The following ARMC9 variants were observed in gnomAD, a reference collection of about 807,000 sequenced individuals.
The protein encoded by ARMC9 is lisH domain-containing protein ARMC9.
A neutral mutation model predicts 107.0 loss-of-function variants in ARMC9; 94 were observed. The ratio of observed to expected loss-of-function variants is 0.88; its 90% CI spans 0.74 to 1.04. The LOEUF is 1.04. ARMC9 is among the 50% of genes least tolerant of loss of function. ARMC9 has a pLI of 0.00. For missense variants in ARMC9, 942 were observed against 1,030.1 expected, an observed-to-expected ratio of 0.91 and a Z score of 1.17; for synonymous variants, 380 against 396.9, an observed-to-expected ratio of 0.96 and a Z score of 0.51.
At chr2:231,251,461 G>T (rs879548276) in intron 9 of ARMC9, among the ~76,000 whole-genome samples, 1 of 152,062 alleles carries the variant, frequency 6.6e-6, no homozygotes, top group Non-Finnish European at 1.5e-5. Context: ...CACTGCACCC[G>T]GCCTGGCCAC....
chr2:231,255,314 G>A lies in ARMC9; in HGVS notation c.880-1272G>A, dbSNP rs145600114. ...AAGAGAGTGGGGTGGAAGAGGGGTT[G>A]TTAATGTTTTTTAAACACGTGTAGA... is the stretch of plus-strand genomic sequence containing the variant. On this transcript the variant is annotated intron_variant, in intron 9 of 24. Coordinates refer to ENST00000611582, the MANE Select transcript of ARMC9 (RefSeq NM_001352754.2). The surrounding 1 kb of genome is among the most constrained non-coding windows in gnomAD (Gnocchi z 4.7). Among the ~76,000 whole-genome samples, 830 of 152,170 alleles carry A rather than the reference G, an allele frequency of 5.5e-3. 10 individuals are homozygous for A. Among genetic ancestry groups the A allele is most frequent in the African/African-American group, 0.018 (748 of 41,526 alleles).
intron 19 of ARMC9, among the ~76,000 whole-genome samples, chr2:231,320,961 T>G (rs6437011): frequency 0.027 from 4,136 of 152,320 alleles, 190 homozygotes; most frequent in African/African-American, 0.095. Context: ...TGGCAGAATC[T>G]GAACACCAAG....
At chr2:231,349,920 G>A (rs1161706634) in intron 21 of ARMC9, among the ~76,000 whole-genome samples, 1 of 151,950 alleles carries the variant, frequency 6.6e-6, no homozygotes, top group African/African-American at 2.4e-5. Flanking sequence ...TACTTGAGGG[G>A]ATGAGTACTC....
At chr2:231,233,692 C>T (rs2035455663) in intron 7 of ARMC9, among the ~76,000 whole-genome samples, 1 of 152,036 alleles carries the variant, frequency 6.6e-6, no homozygotes, top group Non-Finnish European at 1.5e-5. Flanking sequence ...AGGGGAATCG[C>T]TTGAACCCGG....
intron 19 of ARMC9, among the ~76,000 whole-genome samples, chr2:231,314,053 C>CCAGGG (rs2042517036): frequency 6.6e-6 from 1 of 151,126 alleles, no homozygotes; most frequent in African/African-American, 2.4e-5. Flanking sequence ...AGCCACCACA[C>CCAGGG]CAGCCATCTT....
At chr2:231,228,004 C>A in intron 7 of ARMC9, among the ~76,000 whole-genome samples, 1 of 152,296 alleles carries the variant, frequency 6.6e-6, no homozygotes, top group South Asian at 2.1e-4. Context: ...TGGAGCTCCC[C>A]AAGGTTGCCC....
At chr2:231,288,084 A>G (rs114449389) in intron 17 of ARMC9, among the ~76,000 whole-genome samples, 101 of 152,314 alleles carry the variant, frequency 6.6e-4, no homozygotes, top group African/African-American at 2.2e-3. Flanking sequence ...TGCAGTACCA[A>G]ACTCATAGGA....
chr2:231,290,501 T>G (rs1303171515), intron 17 of ARMC9, among the ~76,000 whole-genome samples: 1 of 152,222 alleles, frequency 6.6e-6, no homozygotes, highest in Non-Finnish European at 1.5e-5. Flanking sequence ...CCACTTCCTC[T>G]GTTTTGAGAT....
chr2:231,284,912 G>A (rs1220655084), intron 17 of ARMC9, among the ~76,000 whole-genome samples: 2 of 152,060 alleles, frequency 1.3e-5, no homozygotes, highest in Admixed American at 6.6e-5. Flanking sequence ...TTAAATTATG[G>A]TAGTTAGCCA....
intron 21 of ARMC9, among the ~76,000 whole-genome samples, chr2:231,347,479 C>T (rs934919520): frequency 6.7e-6 from 1 of 150,138 alleles, no homozygotes; most frequent in Non-Finnish European, 1.5e-5. Context: ...ACGGGCTACA[C>T]GATGCTGATG....
intron 7 of ARMC9, among the ~76,000 whole-genome samples, chr2:231,227,314 C>T (rs1022865264): frequency 5.3e-5 from 8 of 152,186 alleles, no homozygotes; most frequent in African/African-American, 1.7e-4. Context: ...GAACTGTTCA[C>T]TTTTGAGTAA....
At chr2:231,220,745 G>T (rs1268186277) in intron 5 of ARMC9, among the ~76,000 whole-genome samples, 1 of 151,846 alleles carries the variant, frequency 6.6e-6, no homozygotes, top group African/African-American at 2.4e-5. Flanking sequence ...GAAAAAATAA[G>T]AATGGTCAAG....
At chr2:231,330,229 C>CT (rs201716312) in intron 19 of ARMC9, among the ~76,000 whole-genome samples, 1,820 of 134,802 alleles carry the variant, frequency 0.014, 29 homozygotes, top group African/African-American at 0.043. Flanking sequence ...CTTTTTCTTT[C>CT]TTTTTTTTTT....
intron 9 of ARMC9, among the ~76,000 whole-genome samples, chr2:231,246,381 G>T (rs1261059783): frequency 2.0e-5 from 3 of 152,196 alleles, no homozygotes; most frequent in African/African-American, 4.8e-5. Context: ...ATAGTTCCCA[G>T]TATCTGTTAT....
rs1353101538 is a variant in ARMC9, at chr2:231,291,859, A to G, written c.1717+416A>G. Among the ~76,000 whole-genome samples, 4 of 150,602 alleles carry G rather than the reference A, an allele frequency of 2.7e-5. No homozygotes were observed. In the East Asian group the frequency reaches 7.8e-4, roughly 29 times the overall value. On this transcript the variant is annotated intron_variant, in intron 18 of 24. Coordinates refer to ENST00000611582, the MANE Select transcript of ARMC9 (RefSeq NM_001352754.2). The stretch of plus-strand genomic sequence containing the variant: ...TTAGGAAGGTGGGGAGACCCAAGTG[A>G]ACCCATAGACAAAAGTTCAGCCAGG...
intron 23 of ARMC9, among the ~76,000 whole-genome samples, chr2:231,361,869 G>A (rs1450361917): frequency 6.6e-6 from 1 of 152,222 alleles, no homozygotes; most frequent in Non-Finnish European, 1.5e-5. Flanking sequence ...GAGAGAGAAA[G>A]AGGCAGGAAG....
chr2:231,230,924 G>A (rs755989398), intron 7 of ARMC9, among the ~76,000 whole-genome samples: 12 of 152,162 alleles, frequency 7.9e-5, no homozygotes, highest in South Asian at 2.1e-4. Context: ...ATGGAGTGCT[G>A]ACTGTATTTG....
chr2:231,289,731 C>T (rs546456061), intron 17 of ARMC9, among the ~76,000 whole-genome samples: 1 of 152,320 alleles, frequency 6.6e-6, no homozygotes, highest in South Asian at 2.1e-4. Flanking sequence ...TCCCTCAACT[C>T]ATGGACAACT....
At chr2:231,248,493 C>T (rs1452765576) in intron 9 of ARMC9, among the ~76,000 whole-genome samples, 1 of 152,080 alleles carries the variant, frequency 6.6e-6, no homozygotes, top group Non-Finnish European at 1.5e-5. Context: ...TCTCTTTTAA[C>T]GTGCAAGTGC....
Sources: allele counts gnomAD v4.1 joint callset (sites outside exome capture counted in the v4.1 genomes callset), GRCh38; gene constraint gnomAD v4.1.1; non-coding constraint Gnocchi (gnomAD v3.1); transcripts MANE v1.5; gene names NCBI Gene and HGNC (gene_info 2026-07-23, HGNC 2026-07-21).